The following MAF variants were observed in gnomAD, a reference collection of about 807,000 sequenced individuals.
MAF encodes the protein MAF bZIP transcription factor.
Under a neutral mutation model 22.0 loss-of-function variants are expected in MAF, and 10 were observed. That is an observed-to-expected ratio of 0.45 (90% CI 0.28 to 0.77). MAF has a LOEUF of 0.77. Ranked by LOEUF, MAF falls within the 30% of genes least tolerant of loss-of-function variation. MAF has a pLI of 0.12. For synonymous variants in MAF, 337 were observed against 255.8 expected, an observed-to-expected ratio of 1.32 and a Z score of -3.03; for missense variants, 544 against 548.4, an observed-to-expected ratio of 0.99 and a Z score of 0.08.
chr16:79,513,967 T>C, the MAF span, among the ~76,000 whole-genome samples: 1 of 152,066 alleles, frequency 6.6e-6, no homozygotes, highest in Non-Finnish European at 1.5e-5. Context: ...ATGGAATCAA[T>C]AAAAAGAACA....
At chr16:79,487,650 A>T in the MAF span, among the ~76,000 whole-genome samples, 1 of 152,154 alleles carries the variant, frequency 6.6e-6, no homozygotes, top group African/African-American at 2.4e-5. Context: ...AAAAAATCCT[A>T]TTTTATTACC....
At chr16:79,567,471 A>AT in the MAF span, among the ~76,000 whole-genome samples, 1 of 152,176 alleles carries the variant, frequency 6.6e-6, no homozygotes, top group African/African-American at 2.4e-5. Flanking sequence ...AAGGCAAGGG[A>AT]TTTTTTTGTT....
the MAF span, among the ~76,000 whole-genome samples, chr16:79,236,984 G>C: frequency 2.0e-5 from 3 of 149,794 alleles, no homozygotes; most frequent in African/African-American, 7.3e-5. Flanking sequence ...TTTAAATAAT[G>C]CTTATGAGTT....
the MAF span, among the ~76,000 whole-genome samples, chr16:79,466,675 G>A: frequency 6.6e-6 from 1 of 152,198 alleles, no homozygotes; most frequent in African/African-American, 2.4e-5. Context: ...TGTGTGTGAT[G>A]CTTGACAGCA....
chr16:79,256,230 C>G, the MAF span, among the ~76,000 whole-genome samples: 2 of 151,820 alleles, frequency 1.3e-5, no homozygotes, highest in Non-Finnish European at 2.9e-5. Context: ...CCTCGTGATC[C>G]GCCTGCCTCG....
the MAF span, among the ~76,000 whole-genome samples, chr16:79,496,021 T>C: frequency 6.6e-6 from 1 of 152,184 alleles, no homozygotes; most frequent in Non-Finnish European, 1.5e-5. Context: ...GAGATAACCA[T>C]AGTCTTGGCC....
At chr16:79,350,892 T>C in the MAF span, among the ~76,000 whole-genome samples, 2 of 151,766 alleles carry the variant, frequency 1.3e-5, no homozygotes, top group African/African-American at 2.4e-5. Context: ...TGTGTGTGTG[T>C]GTGTGTGTGT....
chr16:79,272,242 G>C, the MAF span, among the ~76,000 whole-genome samples: 7 of 152,192 alleles, frequency 4.6e-5, no homozygotes, highest in Admixed American at 1.3e-4. Context: ...TGTGTTTGAA[G>C]GTGTTTCTCT....
the MAF span, among the ~76,000 whole-genome samples, chr16:79,348,386 C>T: frequency 3.9e-5 from 6 of 152,212 alleles, no homozygotes; most frequent in South Asian, 2.1e-4. Flanking sequence ...GGTTTACAGC[C>T]TCTTCTGTCT....
At chr16:79,589,307 C>G (rs1913047030), downstream of MAF, among the ~76,000 whole-genome samples, 1 of 152,136 alleles carries the variant, frequency 6.6e-6, no homozygotes, top group Admixed American at 6.5e-5. Flanking sequence ...CATCCTGGCG[C>G]TGTTGGAGCA....
the MAF span, among the ~76,000 whole-genome samples, chr16:79,512,327 A>C: frequency 6.6e-6 from 1 of 152,154 alleles, no homozygotes; most frequent in African/African-American, 2.4e-5. Flanking sequence ...ACCATTTTCA[A>C]GCCAGCTCAG....
chr16:79,359,945 G>A, the MAF span, among the ~76,000 whole-genome samples: 22 of 152,278 alleles, frequency 1.4e-4, no homozygotes, highest in African/African-American at 3.6e-4. Flanking sequence ...AACATGTGAA[G>A]GATTGCCATT....
At position 79,599,774 on chromosome 16, in the gene MAF, G is replaced by A. The variant is rs1013503810; in HGVS notation, c.129C>T (p.Ile43=). 6.2e-7 allele frequency: 1 copy of A among 1,613,048 alleles called. No individual in the cohort carries two copies. The change falls in exon 1 of 2, where the codon ATC becomes ATT. Residue 43 remains isoleucine (I), a synonymous_variant. Transcript: ENST00000326043. ...KKEPVETDRI[I]SQCGRLIAGG... is the part of the protein sequence containing the mutation. ...CGGCGATGAGACGGCCGCACTGGCT[G>A]ATGATGCGGTCGGTCTCCACCGGTT...
the MAF span, among the ~76,000 whole-genome samples, chr16:79,575,631 G>A: frequency 6.6e-6 from 1 of 152,316 alleles, no homozygotes; most frequent in East Asian, 1.9e-4. Flanking sequence ...AGTAGAGAAG[G>A]CCTGCCTGCT....
chr16:79,422,338 G>A, the MAF span, among the ~76,000 whole-genome samples: 4 of 152,266 alleles, frequency 2.6e-5, no homozygotes, highest in African/African-American at 9.6e-5. Context: ...CGGGCCAGAG[G>A]TTTTCTTCTG....
the MAF span, among the ~76,000 whole-genome samples, chr16:79,572,565 A>C: frequency 4.6e-5 from 7 of 152,216 alleles, no homozygotes; most frequent in Non-Finnish European, 1.0e-4. Flanking sequence ...TTCACATTTG[A>C]AAATGTTTTG....
the MAF span, among the ~76,000 whole-genome samples, chr16:79,553,248 C>A: frequency 7.2e-5 from 11 of 152,218 alleles, no homozygotes; most frequent in African/African-American, 1.2e-4. Flanking sequence ...CACAGCAACT[C>A]CAGGGAAGGC....
At chr16:79,399,387 T>C in the MAF span, among the ~76,000 whole-genome samples, 1 of 152,178 alleles carries the variant, frequency 6.6e-6, no homozygotes, top group East Asian at 1.9e-4. Context: ...GCTCACCCTT[T>C]GTTAGTTAAA....
chr16:79,220,256 A>AAAG, the MAF span, among the ~76,000 whole-genome samples: 4 of 1,236 alleles, frequency 3.2e-3, no homozygotes, highest in South Asian at 0.12. Context: ...ACTCCATCTC[A>AAAG]AAAAAAAAAA....
Sources: allele counts gnomAD v4.1 joint callset (sites outside exome capture counted in the v4.1 genomes callset), GRCh38; gene constraint gnomAD v4.1.1; transcripts MANE v1.5; gene names NCBI Gene and HGNC (gene_info 2026-07-23, HGNC 2026-07-21).